The following UNC5C variants were observed in gnomAD, a reference collection of about 807,000 sequenced individuals.
The protein encoded by UNC5C is unc-5 netrin receptor C.
In UNC5C, 47 loss-of-function variants were observed where a neutral mutation model predicts 99.8. That is an observed-to-expected ratio of 0.47 (90% CI 0.37 to 0.60). The LOEUF is 0.60. Among genes scored for constraint, UNC5C ranks in the 20% least tolerant of loss-of-function variants. The pLI is 0.00. For synonymous variants in UNC5C, 487 were observed against 452.2 expected (o/e 1.08, Z -0.98); for missense variants, 1,062 against 1,165.9 (o/e 0.91, Z 1.30).
intron 7 of UNC5C, among the ~76,000 whole-genome samples, chr4:95,227,056 A>G (rs902631618): frequency 2.6e-5 from 4 of 152,112 alleles, no homozygotes; most frequent in Non-Finnish European, 4.4e-5. Flanking sequence ...CCCTGGGTAC[A>G]GTGTGGCCTC....
intron 1 of UNC5C, among the ~76,000 whole-genome samples, chr4:95,517,648 A>C (rs1027415770): frequency 6.6e-6 from 1 of 152,202 alleles, no homozygotes; most frequent in African/African-American, 2.4e-5. Flanking sequence ...ACTGAAATAA[A>C]GGAAAATATT....
intron 10 of UNC5C, among the ~76,000 whole-genome samples, chr4:95,207,141 A>G (rs1359785381): frequency 6.6e-6 from 1 of 152,172 alleles, no homozygotes; most frequent in Non-Finnish European, 1.5e-5. Flanking sequence ...CTATGAAGTT[A>G]CATAAGCAGA....
At position 95,335,645 on chromosome 4, in the gene UNC5C, A is replaced by G. The variant is rs775283421; in HGVS notation, c.125-14T>C. On this transcript the variant is annotated splice_polypyrimidine_tract_variant and intron_variant, in intron 1 of 15. Coordinates refer to ENST00000453304, the MANE Select transcript of UNC5C (RefSeq NM_003728.4). ...AAAAGTCATCATCTGAGAAAGAAGA[A>G]GAAAGTGGAAGATGGTTAACACATT... is the stretch of plus-strand genomic sequence containing the variant. 1 of 1,593,960 alleles carries G rather than the reference A, an allele frequency of 6.3e-7. No homozygotes were observed. The highest frequency in any genetic ancestry group is 1.8e-5 in the Admixed American group (1 of 56,966).
In UNC5C at chr4:95,309,766, A is replaced by T. The variant is rs867715446; in HGVS notation, c.347-8017T>A. The stretch of plus-strand genomic sequence containing the variant: ...TGGAAGAATGGCTACTATCAAAAAG[A>T]CAAAAGATAACAAGTGTTGGCAAAG... On this transcript the variant is annotated intron_variant, in intron 2 of 15. Transcript: ENST00000453304. Among the ~76,000 whole-genome samples, 58 of 152,304 alleles carry T rather than the reference A, an allele frequency of 3.8e-4. No individual in the cohort carries two copies. In the Middle Eastern group the frequency reaches 0.01, roughly 27 times the overall value.
chr4:95,524,144 C>A (rs1407775795), intron 1 of UNC5C, among the ~76,000 whole-genome samples: 3 of 152,126 alleles, frequency 2.0e-5, no homozygotes, highest in Non-Finnish European at 4.4e-5. Context: ...AGCTTTAATT[C>A]AACCAGCAAT....
chr4:95,467,426 T>G (rs1747817805), intron 1 of UNC5C, among the ~76,000 whole-genome samples: 1 of 151,824 alleles, frequency 6.6e-6, no homozygotes, highest in African/African-American at 2.4e-5. Flanking sequence ...AGAGAGAGAA[T>G]GGGGCTGGGA....
At position 95,448,200 on chromosome 4, in the gene UNC5C, C is replaced by CTG. The variant is rs1190287531; in HGVS notation, c.124+100532_124+100533dup. On this transcript the variant is annotated intron_variant, in intron 1 of 15. Coordinates refer to ENST00000453304, the MANE Select transcript of UNC5C (RefSeq NM_003728.4). ...TCAAGTTTTGCTAATGTGTGTGTCTCTGTGTGTGTGTGTGTGTGTGTGTGT... is the reference window on the plus strand; with the variant it reads ...TCAAGTTTTGCTAATGTGTGTGTCTCTGTGTGTGTGTGTGTGTGTGTGTGTGT... Among the ~76,000 whole-genome samples, 74 of 116,034 alleles carry CTG rather than the reference C, an allele frequency of 6.4e-4. 1 individual carries two copies. The South Asian group carries it at 0.015, about 24-fold the overall frequency. 76.1% of individuals were successfully genotyped at this position (116,034 alleles called of 152,430 possible).
chr4:95,351,094 T>C (rs1322447196), intron 1 of UNC5C, among the ~76,000 whole-genome samples: 1 of 152,134 alleles, frequency 6.6e-6, no homozygotes, highest in African/African-American at 2.4e-5. Context: ...CCATTTCTCA[T>C]AACTCTTACA....
At chr4:95,399,607 T>G (rs1304919233) in intron 1 of UNC5C, among the ~76,000 whole-genome samples, 2 of 152,236 alleles carry the variant, frequency 1.3e-5, no homozygotes, top group African/African-American at 4.8e-5. Flanking sequence ...CCGAAAGACC[T>G]AATTGTTCCT....
chr4:95,416,722 G>A (rs1746175737), intron 1 of UNC5C, among the ~76,000 whole-genome samples: 1 of 152,146 alleles, frequency 6.6e-6, no homozygotes, highest in Non-Finnish European at 1.5e-5. Flanking sequence ...CACATGCCAT[G>A]TCCAAATCAC....
chr4:95,211,001 G>A (rs1560734445), intron 10 of UNC5C, among the ~76,000 whole-genome samples: 1 of 152,186 alleles, frequency 6.6e-6, no homozygotes. Context: ...AGCTAGGTAG[G>A]TTTCAAACAC....
At chr4:95,413,320 G>A (rs541624674) in intron 1 of UNC5C, among the ~76,000 whole-genome samples, 61 of 152,156 alleles carry the variant, frequency 4.0e-4, no homozygotes, top group Non-Finnish European at 6.0e-4. Context: ...GCTCTCTGGA[G>A]ATGCCCACAA....
intron 1 of UNC5C, among the ~76,000 whole-genome samples, chr4:95,468,178 C>A (rs1194835763): frequency 6.7e-6 from 1 of 150,080 alleles, no homozygotes; most frequent in Non-Finnish European, 1.5e-5. Flanking sequence ...GTATAAAGTA[C>A]CAATCTTCCT....
At chr4:95,485,840 G>A (rs572930384) in intron 1 of UNC5C, among the ~76,000 whole-genome samples, 1 of 151,688 alleles carries the variant, frequency 6.6e-6, no homozygotes, top group Admixed American at 6.6e-5. Context: ...TACTCAGATC[G>A]TCACTTTTAT....
chr4:95,448,329 C>A (rs1283951712), intron 1 of UNC5C, among the ~76,000 whole-genome samples: 1 of 151,626 alleles, frequency 6.6e-6, no homozygotes, highest in Non-Finnish European at 1.5e-5. Flanking sequence ...GCCACACATG[C>A]AACATTTGAA....
intron 1 of UNC5C, among the ~76,000 whole-genome samples, chr4:95,341,904 G>T (rs866171109): frequency 1.3e-5 from 2 of 152,114 alleles, no homozygotes; most frequent in Non-Finnish European, 2.9e-5. Context: ...GTGCTACCCT[G>T]TCACAGCAGA....
At chr4:95,248,264 G>A in intron 5 of UNC5C, 1 of 263,622 alleles carries the variant, frequency 3.8e-6, no homozygotes, top group Non-Finnish European at 7.5e-6. Context: ...CAAATCAACA[G>A]GAGAAAAACA....
At chr4:95,401,566 A>G (rs951998807) in intron 1 of UNC5C, among the ~76,000 whole-genome samples, 5 of 152,180 alleles carry the variant, frequency 3.3e-5, no homozygotes, top group South Asian at 2.1e-4. Context: ...TGGTCTCCCA[A>G]CGTGCTGGCA....
At chr4:95,343,614 T>C (rs1743660211) in intron 1 of UNC5C, among the ~76,000 whole-genome samples, 1 of 151,890 alleles carries the variant, frequency 6.6e-6, no homozygotes, top group Non-Finnish European at 1.5e-5. Context: ...TGGCCAATGC[T>C]GGAGAGAGAG....
Sources: allele counts gnomAD v4.1 joint callset (sites outside exome capture counted in the v4.1 genomes callset), GRCh38; gene constraint gnomAD v4.1.1; transcripts MANE v1.5; gene names NCBI Gene and HGNC (gene_info 2026-07-23, HGNC 2026-07-21).